Variants in MAD1L1 observed in about 807,000 individuals in gnomAD.
MAD1L1 encodes the protein mitotic arrest deficient 1 like 1, also known as mitotic spindle assembly checkpoint protein MAD1.
In MAD1L1, 95 loss-of-function variants were observed where a neutral mutation model predicts 96.9. That is an observed-to-expected ratio of 0.98 (90% CI 0.83 to 1.16). The LOEUF (loss-of-function observed/expected upper bound fraction) is 1.16, where lower values mean the gene tolerates loss of function less well. Ranked by LOEUF, MAD1L1 falls within the 50% of genes most tolerant of loss-of-function variation. The probability of loss-of-function intolerance (pLI) is 0.00; values close to 1 mark genes in which losing one functional copy is unlikely to be tolerated. For missense variants in MAD1L1, 1,007 were observed against 954.4 expected, an observed-to-expected ratio of 1.06 and a Z score of -0.73; for synonymous variants, 473 against 396.6, an observed-to-expected ratio of 1.19 and a Z score of -2.29.
At chr7:1,860,888 G>A (rs781455970) in intron 18 of MAD1L1, among the ~76,000 whole-genome samples, 8 of 152,190 alleles carry the variant, frequency 5.3e-5, no homozygotes, top group South Asian at 2.1e-4. Context: ...GGGCTCTCCG[G>A]CAGCTCCAGC....
At chr7:2,186,932 T>TA (rs1026544788) in intron 10 of MAD1L1, among the ~76,000 whole-genome samples, 5 of 152,036 alleles carry the variant, frequency 3.3e-5, no homozygotes, top group Non-Finnish European at 7.4e-5. Flanking sequence ...TAGCTGGGAT[T>TA]ACAGGCATGC....
chr7:1,978,388 G>A (rs1461637331), intron 15 of MAD1L1, among the ~76,000 whole-genome samples: 6 of 152,242 alleles, frequency 3.9e-5, no homozygotes, highest in Admixed American at 6.5e-5. Context: ...TCTCTGCAAA[G>A]GAAAAGCCAA....
chr7:2,231,746 C>T (rs1157818486), intron 1 of MAD1L1, among the ~76,000 whole-genome samples: 4 of 152,050 alleles, frequency 2.6e-5, no homozygotes, highest in African/African-American at 9.7e-5. Context: ...TTAATAAGTA[C>T]TACTACTATT....
chr7:1,956,793 G>A (rs1000339420), intron 16 of MAD1L1, among the ~76,000 whole-genome samples: 16 of 152,230 alleles, frequency 1.1e-4, no homozygotes, highest in African/African-American at 3.6e-4. Flanking sequence ...TGCTGGCACC[G>A]CACTCACCCA....
At chr7:1,988,374 G>A (rs370897777) in intron 14 of MAD1L1, among the ~76,000 whole-genome samples, 2 of 152,236 alleles carry the variant, frequency 1.3e-5, no homozygotes, top group East Asian at 3.9e-4. Flanking sequence ...CCACCACAGG[G>A]ACCTGAGGCC....
At chr7:1,822,442 A>ATATATATATATATATATATATATATT (rs768089526) in intron 18 of MAD1L1, among the ~76,000 whole-genome samples, 2 of 140,584 alleles carry the variant, frequency 1.4e-5, no homozygotes, top group African/African-American at 5.2e-5. Flanking sequence ...ATATATATAT[A>ATATATATATATATATATATATATATT]TTTTTTTTTT....
intron 12 of MAD1L1, among the ~76,000 whole-genome samples, chr7:2,059,486 G>A (rs1784539005): frequency 6.6e-6 from 1 of 151,444 alleles, no homozygotes; most frequent in Non-Finnish European, 1.5e-5. Context: ...GAGGGATTGT[G>A]GCCAGAGGAG....
intron 18 of MAD1L1, among the ~76,000 whole-genome samples, chr7:1,869,266 C>T (rs899577931): frequency 1.3e-5 from 2 of 152,024 alleles, no homozygotes; most frequent in Admixed American, 6.5e-5. Flanking sequence ...TGGAGAGCAC[C>T]CCTTGCCTGG....
chr7:2,092,033 A>G (rs1786242111), intron 11 of MAD1L1, among the ~76,000 whole-genome samples: 1 of 152,190 alleles, frequency 6.6e-6, no homozygotes, highest in South Asian at 2.1e-4. Flanking sequence ...TCATACGATA[A>G]GACCGTGTTT....
At chr7:1,908,753 A>G (rs771080050) in intron 17 of MAD1L1, among the ~76,000 whole-genome samples, 4 of 152,294 alleles carry the variant, frequency 2.6e-5, no homozygotes, top group Middle Eastern at 3.4e-3. Context: ...GGTCTTCTAC[A>G]AGTGACTGGT....
rs534559815 is a variant in MAD1L1 at position 1,881,990 on chromosome 7, C to T, written c.1998+16210G>A. Among the ~76,000 whole-genome samples, 3 of 152,344 alleles carry T rather than the reference C, an allele frequency of 2.0e-5. No homozygotes were observed. The South Asian group carries it at 6.2e-4, about 32-fold the overall frequency. Reference sequence around the variant, plus strand: ...GGCTTGCCCGTGTCCTTGGGCCCCACAGCTGGCGACCTCCCCCACACCCTC... The same window carrying T: ...GGCTTGCCCGTGTCCTTGGGCCCCATAGCTGGCGACCTCCCCCACACCCTC... On this transcript the variant is annotated intron_variant, in intron 18 of 18. Transcript: ENST00000265854.
chr7:1,843,469 G>A (rs1414890813), intron 18 of MAD1L1, among the ~76,000 whole-genome samples: 1 of 152,186 alleles, frequency 6.6e-6, no homozygotes, highest in Non-Finnish European at 1.5e-5. Context: ...GGCTTGATGG[G>A]CGTCCACAAG....
rs1415344790 is a variant in MAD1L1 at position 2,118,329 on chromosome 7, A to G, written c.1073+30823T>C. ...CACGCAGGACGTGGTTGGCGGTCACAGATCTACACGGCACACTGTGCAGGT... is the reference window on the plus strand; with the variant it reads ...CACGCAGGACGTGGTTGGCGGTCACGGATCTACACGGCACACTGTGCAGGT... On this transcript the variant is annotated intron_variant, in intron 11 of 18. Coordinates refer to ENST00000265854, the MANE Select transcript of MAD1L1 (RefSeq NM_001013836.2). Among the ~76,000 whole-genome samples, 8 of 147,492 alleles carry G rather than the reference A, an allele frequency of 5.4e-5. No individual in the cohort carries two copies. In the Admixed American group the frequency reaches 5.4e-4, roughly 10 times the overall value.
intron 12 of MAD1L1, among the ~76,000 whole-genome samples, chr7:2,041,228 G>T (rs1783658696): frequency 6.6e-6 from 1 of 152,178 alleles, no homozygotes; most frequent in Admixed American, 6.5e-5. Context: ...GAAAATCCGA[G>T]CTGACAACTG....
At chr7:1,965,325 C>T (rs1371068942) in intron 15 of MAD1L1, among the ~76,000 whole-genome samples, 2 of 152,232 alleles carry the variant, frequency 1.3e-5, no homozygotes, top group Non-Finnish European at 2.9e-5. Context: ...GACAAAGCCG[C>T]GCAGACATGG....
At chr7:1,957,805 G>A in intron 15 of MAD1L1, 86 bp from the exon 16 acceptor site, 1 of 1,189,944 alleles carries the variant, frequency 8.4e-7, no homozygotes, top group Admixed American at 1.8e-5. Flanking sequence ...GGAGGTGAAA[G>A]GTTAGGAGAC....
chr7:1,888,605 T>TGTGC, intron 18 of MAD1L1, among the ~76,000 whole-genome samples: 1 of 152,038 alleles, frequency 6.6e-6, no homozygotes, highest in Admixed American at 6.5e-5. Context: ...TGTGGCTGCC[T>TGTGC]ATGCATGTGT....
At chr7:2,203,151 A>T (rs1792404281) in intron 10 of MAD1L1, among the ~76,000 whole-genome samples, 1 of 152,248 alleles carries the variant, frequency 6.6e-6, no homozygotes. Flanking sequence ...GCACAACGGG[A>T]CAGGCAAGGA....
intron 15 of MAD1L1, among the ~76,000 whole-genome samples, chr7:1,972,489 G>C (rs1401927216): frequency 6.6e-6 from 1 of 152,140 alleles, no homozygotes; most frequent in Non-Finnish European, 1.5e-5. Flanking sequence ...AACACCCTCT[G>C]CTTAATGGCT....
Sources: allele counts gnomAD v4.1 joint callset (sites outside exome capture counted in the v4.1 genomes callset), GRCh38; gene constraint gnomAD v4.1.1; transcripts MANE v1.5; gene names NCBI Gene and HGNC (gene_info 2026-07-23, HGNC 2026-07-21).